XK: variants seen among roughly 807,000 people sequenced by gnomAD.
XK encodes the protein endoplasmic reticulum membrane adapter protein XK.
In XK, 2 loss-of-function variants were observed where a neutral mutation model predicts 14.0. The ratio of observed to expected loss-of-function variants is 0.14; its 90% CI spans 0.06 to 0.45. The LOEUF (loss-of-function observed/expected upper bound fraction) is 0.45, where lower values mean the gene tolerates loss of function less well. XK is among the 20% of genes least tolerant of loss of function. The pLI is 0.98. For synonymous variants in XK, 149 were observed against 147.5 expected (o/e 1.01, Z -0.08); for missense variants, 235 against 341.5 (o/e 0.69, Z 2.46).
chrX:37,686,319 G>T, intron 1 of XK, 113 bp downstream of exon 1: 1 of 1,132,321 alleles, frequency 8.8e-7, no homozygotes, highest in Non-Finnish European at 1.2e-6. Context: ...AGGTGGCTGA[G>T]CCCCAAGCCG....
intron 2 of XK, among the ~76,000 whole-genome samples, chrX:37,702,029 G>A (rs1311101063): frequency 1.8e-5 from 2 of 112,028 alleles, no homozygotes; most frequent in Non-Finnish European, 3.8e-5. Flanking sequence ...AGGAAATAGC[G>A]GTTATGTGTT....
chrX:37,720,634 TGTACATTAA>T (rs1161571331), intron 2 of XK, among the ~76,000 whole-genome samples: 2 of 110,913 alleles, frequency 1.8e-5, no homozygotes, highest in African/African-American at 6.5e-5. Flanking sequence ...TAATGTACAT[TGTACATTAA>T]GTACATTAAG....
intron 1 of XK, among the ~76,000 whole-genome samples, chrX:37,688,477 T>C (rs1389025905): frequency 1.8e-5 from 2 of 111,925 alleles, no homozygotes; most frequent in Non-Finnish European, 1.9e-5. Flanking sequence ...GATGGTTTGA[T>C]ATGTACTTAC....
chrX:37,727,890 C>T lies in XK; in HGVS notation c.763C>T (p.Leu255Phe). 1.7e-6 allele frequency: 2 copies of T among 1,211,179 alleles called. No homozygotes were observed. The highest frequency in any genetic ancestry group is 2.2e-6 in the Non-Finnish European group (2 of 895,317). Residue 255 changes from leucine (L) to phenylalanine (F), a missense_variant, in exon 3 of 3, where the codon CTC becomes TTC. Leu to Phe is a conservative substitution (Grantham distance 22). Coordinates refer to ENST00000378616, the MANE Select transcript of XK (RefSeq NM_021083.4). The stretch of plus-strand genomic sequence containing the variant: ...CAGTTTCTTCTTGTACCCCTGGATC[C>T]TCTTCTGGTGCAGTGGTTCCCCATT... ...FFSFFLYPWI[L>F]FWCSGSPFPE...
At chrX:37,700,939 A>G (rs956207130) in intron 2 of XK, among the ~76,000 whole-genome samples, 4 of 111,393 alleles carry the variant, frequency 3.6e-5, no homozygotes, top group Non-Finnish European at 7.5e-5. Context: ...GCAAAAAAAA[A>G]AGTTATGGTC....
intron 2 of XK, among the ~76,000 whole-genome samples, chrX:37,725,613 T>C (rs782719809): frequency 9.0e-6 from 1 of 111,169 alleles, no homozygotes; most frequent in African/African-American, 3.3e-5. Context: ...CCCTAAGGAG[T>C]TGAAAACTTA....
chrX:37,724,295 A>G (rs920165592), intron 2 of XK, among the ~76,000 whole-genome samples: 3 of 111,728 alleles, frequency 2.7e-5, no homozygotes, highest in Non-Finnish European at 5.7e-5. Flanking sequence ...TCAAGCATGG[A>G]TAAAGCTACA....
chrX:37,692,900 GT>G (rs1368992244), intron 1 of XK, among the ~76,000 whole-genome samples: 1 of 111,151 alleles, frequency 9.0e-6, no homozygotes, highest in African/African-American at 3.3e-5. Context: ...GTTTTACATT[GT>G]TTTCATGTAA....
chrX:37,722,662 T>G (rs782010443), intron 2 of XK, among the ~76,000 whole-genome samples: 1 of 112,207 alleles, frequency 8.9e-6, no homozygotes, highest in Non-Finnish European at 1.9e-5. Context: ...TTTTGAAAAG[T>G]CTATTCCATA....
chrX:37,694,703 C>T (rs782031629), intron 2 of XK, among the ~76,000 whole-genome samples, 155 bp downstream of exon 2: 7 of 112,168 alleles, frequency 6.2e-5, no homozygotes, highest in East Asian at 2.8e-4. Context: ...AAAATAACAA[C>T]GTTTATTTTG....
chrX:37,712,930 A>T (rs1346033410), intron 2 of XK, among the ~76,000 whole-genome samples: 1 of 112,143 alleles, frequency 8.9e-6, no homozygotes, highest in African/African-American at 3.2e-5. Flanking sequence ...GAGTGATCCT[A>T]TGGTTGACTA....
At chrX:37,720,804 A>G (rs190202100) in intron 2 of XK, among the ~76,000 whole-genome samples, 93 of 111,466 alleles carry the variant, frequency 8.3e-4, no homozygotes, top group Non-Finnish European at 1.5e-3. Flanking sequence ...TGGTTCACCT[A>G]GGATAATGGC....
At chrX:37,700,607 T>C (rs1169562325) in intron 2 of XK, among the ~76,000 whole-genome samples, 1 of 111,560 alleles carries the variant, frequency 9.0e-6, no homozygotes, top group East Asian at 2.8e-4. Context: ...GCACTGGCCC[T>C]GGCGGGAGGA....
intron 2 of XK, among the ~76,000 whole-genome samples, chrX:37,705,567 C>T (rs1405398410): frequency 9.0e-6 from 1 of 110,939 alleles, no homozygotes; most frequent in African/African-American, 3.3e-5. Context: ...AAGGAAAGCA[C>T]CAGCAGGACT....
Position 37,728,742 on chromosome X carries a change from C to T in XK, c.*280C>T. 1 of 347,621 alleles carries T rather than the reference C, an allele frequency of 2.9e-6. No individual in the cohort carries two copies. Among genetic ancestry groups the T allele is most frequent in the Non-Finnish European group, 5.1e-6 (1 of 195,919 alleles). 28.6% of individuals were successfully genotyped at this position (347,621 alleles called of 1,213,427 possible). ...TGGCCTTTTCACTGACAAGTTACCC[C>T]TGAAATCTGAGTTGTACTGGTTAGA... On this transcript the variant is annotated 3_prime_UTR_variant, in exon 3 of 3. Coordinates refer to ENST00000378616, the MANE Select transcript of XK (RefSeq NM_021083.4).
At chrX:37,710,396 A>C (rs1556446470) in intron 2 of XK, among the ~76,000 whole-genome samples, 1 of 112,452 alleles carries the variant, frequency 8.9e-6, no homozygotes, top group Non-Finnish European at 1.9e-5. Context: ...AATCTATTGG[A>C]CATCTCATTA....
At chrX:37,691,995 A>G (rs994357017) in intron 1 of XK, among the ~76,000 whole-genome samples, 6 of 111,474 alleles carry the variant, frequency 5.4e-5, no homozygotes, top group Non-Finnish European at 7.5e-5. Flanking sequence ...TCTTTTAAAA[A>G]AAATTTATAT....
chrX:37,728,353 G>A lies in XK; in HGVS notation c.1226G>A (p.Gly409Glu), dbSNP rs1286372822. 2 of 1,208,766 alleles carry A rather than the reference G, an allele frequency of 1.7e-6. No homozygotes were observed. Among genetic ancestry groups the A allele is most frequent in the Non-Finnish European group, 2.2e-6 (2 of 895,031 alleles). ...CAGCAAAAACCCTGTGAGCCGATAGGAAAGGAAGATCTACAGTCATCCAGA... is the reference window on the plus strand; with the variant it reads ...CAGCAAAAACCCTGTGAGCCGATAGAAAAGGAAGATCTACAGTCATCCAGA... ...CRQQKPCEPI[G>E]KEDLQSSRDR... Residue 409 changes from glycine to glutamate, a missense_variant, in exon 3 of 3, where the codon GGA becomes GAA. Transcript: ENST00000378616.
At chrX:37,697,154 G>T (rs2146814050) in intron 2 of XK, among the ~76,000 whole-genome samples, 1 of 111,664 alleles carries the variant, frequency 9.0e-6, no homozygotes, top group East Asian at 2.8e-4. Flanking sequence ...TTACCTGGGG[G>T]CTTGTTAAAT....
Sources: gnomAD v4.1 joint callset for allele counts (sites outside exome capture counted in the v4.1 genomes callset) on GRCh38, gnomAD v4.1.1 for gene constraint, MANE v1.5 for transcripts, NCBI Gene and HGNC (gene_info 2026-07-23, HGNC 2026-07-21) for gene names.